The following TRDN variants were observed in gnomAD, a reference collection of about 807,000 sequenced individuals.
The protein encoded by TRDN is triadin, also known as triadin in skeletal muscle.
A neutral mutation model predicts 149.7 loss-of-function variants in TRDN; 161 were observed. That is an observed-to-expected ratio of 1.08 (90% CI 0.95 to 1.23). TRDN has a LOEUF of 1.23. Ranked by LOEUF, TRDN falls within the 50% of genes most tolerant of loss-of-function variation. The pLI is 0.00. For missense variants in TRDN, 896 were observed against 823.5 expected (o/e 1.09, Z -1.08); for synonymous variants, 294 against 250.5 (o/e 1.17, Z -1.64).
At chr6:123,463,544 C>A (rs1776605989) in intron 10 of TRDN, among the ~76,000 whole-genome samples, 1 of 151,780 alleles carries the variant, frequency 6.6e-6, no homozygotes, top group Admixed American at 6.6e-5. Context: ...ATCAAAGTCT[C>A]CCTCAAGTTG....
chr6:123,591,967 C>A (rs1388653493), intron 1 of TRDN, among the ~76,000 whole-genome samples: 2 of 152,148 alleles, frequency 1.3e-5, no homozygotes, highest in African/African-American at 2.4e-5. Context: ...GACAAGTATT[C>A]TTTTCCTCTT....
Position 123,570,999 on chromosome 6 carries a change from C to A in TRDN, c.156G>T (p.Leu52=), listed in dbSNP as rs752080224. Residue 52 remains leucine (L), a synonymous_variant, in exon 2 of 41, where the codon CTG becomes CTT. Transcript: ENST00000334268. Reference sequence around the variant, plus strand: ...ACCACGTGATTATCAGGGCAATGACCAGAAGCCAGGCTGCAGGGGAGCTGA... The same window carrying A: ...ACCACGTGATTATCAGGGCAATGACAAGAAGCCAGGCTGCAGGGGAGCTGA... ...TTFSSPAAWL[L]VIALIITWSA... is the part of the protein sequence containing the mutation. 6.2e-7 allele frequency: 1 copy of A among 1,613,926 alleles called. No homozygotes were observed. Among genetic ancestry groups the A allele is most frequent in the Non-Finnish European group, 8.5e-7 (1 of 1,179,860 alleles).
chr6:123,261,768 A>G (rs547247024), intron 33 of TRDN, among the ~76,000 whole-genome samples: 2 of 151,996 alleles, frequency 1.3e-5, no homozygotes, highest in Admixed American at 1.3e-4. Flanking sequence ...CTTTATAATG[A>G]TGTTTCATAT....
At chr6:123,475,846 C>T (rs1036260324) in intron 9 of TRDN, among the ~76,000 whole-genome samples, 3 of 152,088 alleles carry the variant, frequency 2.0e-5, no homozygotes, top group Non-Finnish European at 2.9e-5. Context: ...AAGCCTTCAA[C>T]GAAATTCAGC....
At chr6:123,578,732 A>C (rs1388368213) in intron 1 of TRDN, among the ~76,000 whole-genome samples, 1 of 152,162 alleles carries the variant, frequency 6.6e-6, no homozygotes, top group Non-Finnish European at 1.5e-5. Context: ...TGAATCTATA[A>C]ATTGCCTTGG....
chr6:123,562,526 C>G (rs1002344744), intron 2 of TRDN, among the ~76,000 whole-genome samples: 1 of 152,068 alleles, frequency 6.6e-6, no homozygotes, highest in Non-Finnish European at 1.5e-5. Flanking sequence ...TCACAGATAC[C>G]AAAACTGCTG....
chr6:123,503,932 T>A, intron 7 of TRDN, 31 bp from the exon 8 acceptor site: 2 of 1,516,082 alleles, frequency 1.3e-6, no homozygotes. Flanking sequence ...TTGAAATACT[T>A]TTGTTTATTT....
chr6:123,471,112 A>G (rs1488013889), intron 9 of TRDN: 6 of 152,228 alleles, frequency 3.9e-5, no homozygotes, highest in Non-Finnish European at 7.3e-5. Flanking sequence ...ATGTATGGTC[A>G]ATGAAAATCA....
At chr6:123,364,232 T>C (rs566796589) in intron 20 of TRDN, among the ~76,000 whole-genome samples, 20 of 152,330 alleles carry the variant, frequency 1.3e-4, no homozygotes, top group South Asian at 2.1e-4. Context: ...CAGGCTCCCA[T>C]TGATGCAGAG....
chr6:123,465,009 G>GAA (rs374707147), intron 9 of TRDN, 26 bp from the exon 10 acceptor site: 12 of 1,438,118 alleles, frequency 8.3e-6, no homozygotes, highest in Non-Finnish European at 6.5e-6. Context: ...GTAGGAATTG[G>GAA]AAAAAAAAAA....
At chr6:123,285,188 AAATCCTAGAATTCATATGGAACCAG>A (rs1777756107) in intron 24 of TRDN, among the ~76,000 whole-genome samples, 1 of 152,066 alleles carries the variant, frequency 6.6e-6, no homozygotes, top group East Asian at 1.9e-4. Context: ...CTAGAAAAAA[AAATCCTAGAATTCATATGGAACCAG>A]AAAAGAGCCA....
intron 12 of TRDN, among the ~76,000 whole-genome samples, chr6:123,402,957 GC>G (rs1048227676): frequency 6.6e-6 from 1 of 152,158 alleles, no homozygotes; most frequent in Non-Finnish European, 1.5e-5. Context: ...TAAGTTTGAA[GC>G]GATGGTACAA....
intron 21 of TRDN, among the ~76,000 whole-genome samples, chr6:123,341,587 T>G (rs1208199854): frequency 6.6e-6 from 1 of 151,890 alleles, no homozygotes; most frequent in East Asian, 1.9e-4. Flanking sequence ...AATATAAAAT[T>G]TTCTTGAATG....
At chr6:123,437,381 ATTTTTTTTTTT>A (rs565538741) in intron 12 of TRDN, 3,142 of 185,846 alleles carry the variant, frequency 0.017, 6 homozygotes, top group South Asian at 0.037. Flanking sequence ...TGAGATACAG[ATTTTTTTTTTT>A]TTTTTTTTTT....
intron 1 of TRDN, among the ~76,000 whole-genome samples, chr6:123,603,028 T>C (rs900386746): frequency 6.6e-6 from 1 of 152,168 alleles, no homozygotes; most frequent in African/African-American, 2.4e-5. Flanking sequence ...CTAACATTAG[T>C]TCTCACTTAA....
At chr6:123,457,486 C>A in intron 10 of TRDN, 1 of 363,608 alleles carries the variant, frequency 2.8e-6, no homozygotes, top group South Asian at 2.2e-5. Flanking sequence ...TTTAGAGATA[C>A]AAGTTTCTTG....
intron 18 of TRDN, 130 bp from the exon 19 acceptor site, chr6:123,375,761 G>T: frequency 1.4e-6 from 1 of 705,338 alleles, no homozygotes; most frequent in Non-Finnish European, 2.1e-6. Flanking sequence ...AGAAAAATAA[G>T]ATCTGAGAAA....
chr6:123,220,565 A>G (rs1775110660), intron 40 of TRDN, among the ~76,000 whole-genome samples: 1 of 151,744 alleles, frequency 6.6e-6, no homozygotes, highest in African/African-American at 2.4e-5. Flanking sequence ...TATTATATGA[A>G]GGATTATAAT....
intron 1 of TRDN, among the ~76,000 whole-genome samples, chr6:123,617,376 C>G (rs553814435): frequency 6.6e-6 from 1 of 152,100 alleles, no homozygotes; most frequent in East Asian, 1.9e-4. Context: ...TCAGAAATGC[C>G]TGTTGAGTTG....
Sources: allele counts gnomAD v4.1 joint callset (sites outside exome capture counted in the v4.1 genomes callset), GRCh38; gene constraint gnomAD v4.1.1; transcripts MANE v1.5; gene names NCBI Gene and HGNC (gene_info 2026-07-23, HGNC 2026-07-21).